ANKRD55: variants seen among roughly 807,000 people sequenced by gnomAD.
The protein encoded by ANKRD55 is ankyrin repeat domain 55, also known as ankyrin repeat domain-containing protein 55.
ANKRD55 carries 41 observed loss-of-function variants against 60.6 expected under a neutral mutation model. The ratio of observed to expected loss-of-function variants is 0.68; its 90% confidence interval spans 0.53 to 0.88. The LOEUF (loss-of-function observed/expected upper bound fraction) is 0.88, where lower values mean the gene tolerates loss of function less well. Among genes scored for constraint, ANKRD55 ranks in the 40% least tolerant of loss-of-function variants. The pLI, the probability that ANKRD55 is intolerant of heterozygous loss-of-function variation, is 0.00. For synonymous variants in ANKRD55, 264 were observed against 290.3 expected, an observed-to-expected ratio of 0.91 and a Z score of 0.92; for missense variants, 732 against 767.6, an observed-to-expected ratio of 0.95 and a Z score of 0.55.
intron 7 of ANKRD55, among the ~76,000 whole-genome samples, chr5:56,135,620 C>T (rs1411165402): frequency 6.6e-6 from 1 of 152,156 alleles, no homozygotes; most frequent in East Asian, 1.9e-4. Context: ...CTGCCTGCAT[C>T]GGCCTCCCAA....
chr5:56,101,765 T>G (rs938999007), intron 11 of ANKRD55, among the ~76,000 whole-genome samples: 1 of 152,030 alleles, frequency 6.6e-6, no homozygotes, highest in African/African-American at 2.4e-5. Flanking sequence ...ATACCAAAAG[T>G]AATCCTGATG....
chr5:56,178,931 C>T (rs1758798733), intron 3 of ANKRD55, among the ~76,000 whole-genome samples: 1 of 125,966 alleles, frequency 7.9e-6, no homozygotes, highest in Non-Finnish European at 1.6e-5. Context: ...GAAACTCTTA[C>T]ATACTGTTGG....
chr5:56,102,831 A>C (rs1756331881), intron 10 of ANKRD55, among the ~76,000 whole-genome samples: 1 of 152,216 alleles, frequency 6.6e-6, no homozygotes, highest in African/African-American at 2.4e-5. Flanking sequence ...AAATTTTATA[A>C]AGAAACACAC....
chr5:56,209,228 A>T (rs184931157), intron 2 of ANKRD55, among the ~76,000 whole-genome samples: 155 of 152,276 alleles, frequency 1.0e-3, no homozygotes, highest in Non-Finnish European at 1.9e-3. Flanking sequence ...AAGAGCTGGG[A>T]TTACAGGCAT....
At chr5:56,115,817 A>C (rs1756867869) in intron 9 of ANKRD55, among the ~76,000 whole-genome samples, 1 of 152,184 alleles carries the variant, frequency 6.6e-6, no homozygotes, top group Admixed American at 6.5e-5. Context: ...TAAATGGATA[A>C]CAATGCATAT....
intron 2 of ANKRD55, 88 bp from the exon 3 acceptor site, chr5:56,183,722 A>T: frequency 3.3e-6 from 5 of 1,536,316 alleles, no homozygotes; most frequent in Non-Finnish European, 4.4e-6. Flanking sequence ...CACACAAGTG[A>T]TTCATTAAAA....
At position 56,111,546 on chromosome 5, in the gene ANKRD55, A is replaced by G; in HGVS notation, c.1202T>C (p.Val401Ala). Residue 401 changes from valine (V) to alanine (A), a missense_variant, in exon 10 of 12, where the codon GTG (valine) becomes GCG (alanine). This residue lies in a region of ANKRD55 where 597 missense variants were observed against 607.5 expected (regional missense o/e 0.98). Coordinates refer to ENST00000341048, the MANE Select transcript of ANKRD55 (RefSeq NM_024669.3). The stretch of plus-strand genomic sequence containing the variant: ...TTTCTTCTTAAATTCAACCATAGCC[A>G]CCTGATCACCAGGCTGTTCTTGGCA... ...TNCQEQPGDQ[V>A]AMVEFKKKTS... is the part of the protein sequence containing the mutation. The G allele has an allele frequency of 6.2e-7, 1 of 1,613,508 alleles. No homozygotes were observed. Among genetic ancestry groups the G allele is most frequent in the South Asian group, 1.1e-5 (1 of 90,994 alleles).
chr5:56,100,346 T>G, intron 11 of ANKRD55, 42 bp from the exon 12 acceptor site: 2 of 1,612,500 alleles, frequency 1.2e-6, no homozygotes, highest in Non-Finnish European at 1.7e-6. Flanking sequence ...AAGATTTGCT[T>G]CTCTAACAGG....
At chr5:56,215,084 C>CT (rs962590084) in intron 2 of ANKRD55, among the ~76,000 whole-genome samples, 26 of 146,438 alleles carry the variant, frequency 1.8e-4, no homozygotes, top group East Asian at 1.6e-3. Flanking sequence ...TGAAAGAATT[C>CT]TTTTTTTTTT....
At chr5:56,110,827 G>A (rs1351077488) in intron 10 of ANKRD55, among the ~76,000 whole-genome samples, 1 of 152,172 alleles carries the variant, frequency 6.6e-6, no homozygotes, top group African/African-American at 2.4e-5. Context: ...CTTGCTAGTG[G>A]AAATAGTAAT....
intron 2 of ANKRD55, 128 bp downstream of exon 2, chr5:56,232,728 G>T: frequency 1.2e-6 from 1 of 839,200 alleles, no homozygotes; most frequent in Non-Finnish European, 1.9e-6. Context: ...AAATACTCAT[G>T]CACACCCACG....
chr5:56,119,072 T>A (rs898604914), intron 8 of ANKRD55, among the ~76,000 whole-genome samples: 1 of 152,364 alleles, frequency 6.6e-6, no homozygotes, highest in South Asian at 2.1e-4. Context: ...TTTAAGTATT[T>A]TGCTGGAGAA....
chr5:56,169,247 A>G (rs979400354), intron 5 of ANKRD55, among the ~76,000 whole-genome samples: 1 of 152,232 alleles, frequency 6.6e-6, no homozygotes, highest in East Asian at 1.9e-4. Flanking sequence ...GGGCTCTTTT[A>G]ATCTTCCAGA....
intron 2 of ANKRD55, among the ~76,000 whole-genome samples, chr5:56,222,435 G>T (rs1175960658): frequency 6.6e-6 from 1 of 152,098 alleles, no homozygotes; most frequent in Non-Finnish European, 1.5e-5. Context: ...AAAATCAGAG[G>T]GCCTCTTCTC....
intron 2 of ANKRD55, among the ~76,000 whole-genome samples, chr5:56,194,232 C>T (rs753459105): frequency 6.0e-5 from 9 of 150,680 alleles, no homozygotes; most frequent in Admixed American, 1.3e-4. Context: ...AGGAGAACTG[C>T]TTGAACTGGG....
At chr5:56,227,038 TG>T (rs58524548) in intron 2 of ANKRD55, among the ~76,000 whole-genome samples, 50,367 of 151,850 alleles carry the variant, frequency 0.33, 9,303 homozygotes, top group East Asian at 0.84. Flanking sequence ...CACATGCACA[TG>T]TATGTTTATT....
intron 2 of ANKRD55, among the ~76,000 whole-genome samples, chr5:56,186,032 G>A (rs1231344152): frequency 6.6e-6 from 1 of 152,246 alleles, no homozygotes; most frequent in Non-Finnish European, 1.5e-5. Context: ...GAAAGAGGAG[G>A]GGTGTCCAGG....
chr5:56,181,015 A>G (rs1758838401), intron 3 of ANKRD55, among the ~76,000 whole-genome samples: 1 of 152,158 alleles, frequency 6.6e-6, no homozygotes, highest in South Asian at 2.1e-4. Context: ...AGCCTGGGCA[A>G]CATGGTGAAA....
intron 8 of ANKRD55, among the ~76,000 whole-genome samples, chr5:56,117,724 T>C (rs1286340876): frequency 1.3e-5 from 2 of 152,242 alleles, no homozygotes; most frequent in Non-Finnish European, 2.9e-5. Flanking sequence ...AGTGCTGGGA[T>C]TATAGGCGTG....
Sources: allele counts gnomAD v4.1 joint callset (sites outside exome capture counted in the v4.1 genomes callset), GRCh38; gene constraint gnomAD v4.1.1; regional missense constraint gnomAD v4.1.1; transcripts MANE v1.5; gene names NCBI Gene and HGNC (gene_info 2026-07-23, HGNC 2026-07-21).